CD163L1: variants seen among roughly 807,000 people sequenced by gnomAD.
CD163L1 encodes CD163 molecule like 1, also known as scavenger receptor cysteine-rich type 1 protein M160.
CD163L1 carries 124 observed loss-of-function variants against 165.4 expected under a neutral mutation model. The observed-to-expected ratio is 0.75, with a 90% CI of 0.65 to 0.87. CD163L1 has a LOEUF of 0.87. Ranked by LOEUF, CD163L1 falls within the 40% of genes least tolerant of loss-of-function variation. The pLI is 0.00. For missense variants in CD163L1, 1,525 were observed against 1,799.9 expected, an observed-to-expected ratio of 0.85 and a Z score of 2.76; for synonymous variants, 585 against 662.2, an observed-to-expected ratio of 0.88 and a Z score of 1.79.
At chr12:7,329,556 C>T in the CD163L1 span, among the ~76,000 whole-genome samples, 1 of 151,702 alleles carries the variant, frequency 6.6e-6, no homozygotes, top group Admixed American at 6.6e-5. Flanking sequence ...AACATTCTTT[C>T]CTCTATAAAG....
chr12:7,375,131 T>C (rs995003221), intron 11 of CD163L1, 150 bp downstream of exon 11: 1 of 851,734 alleles, frequency 1.2e-6, no homozygotes, highest in Non-Finnish European at 1.8e-6. Flanking sequence ...CTAGTTATCA[T>C]TATTTCTTAC....
At position 7,347,545 on chromosome 12, in the gene CD163L1, C is replaced by T. The variant is rs534346013; in HGVS notation, c.*25-398G>A. 3.3e-5 allele frequency among the ~76,000 whole-genome samples: 5 copies of T among 152,056 alleles called. No homozygotes were observed. The highest frequency in any genetic ancestry group is 3.9e-4 in the East Asian group (2 of 5,178). On this transcript the variant is annotated intron_variant, in intron 4 of 4. Transcript: ENST00000539726. The surrounding 1 kb of genome is among the most constrained non-coding windows in gnomAD (Gnocchi z 4.2). ...TTGTAATCCCAGCACTTTGGGAGGC[C>T]GAGGCAGGTGGATCACGAGGTCAGG... is the stretch of plus-strand genomic sequence containing the variant.
chr12:7,435,722 T>G (rs1948705078), intron 2 of CD163L1, among the ~76,000 whole-genome samples: 1 of 152,054 alleles, frequency 6.6e-6, no homozygotes, highest in South Asian at 2.1e-4. Context: ...CGTAGTAAAC[T>G]CCCATGAATC....
chr12:7,406,593 T>C lies in CD163L1; in HGVS notation c.1026A>G (p.Arg342=), dbSNP rs376908493. 21 of 1,613,952 alleles carry C rather than the reference T, an allele frequency of 1.3e-5. No homozygotes were observed. The highest frequency in any genetic ancestry group is 1.8e-5 in the Non-Finnish European group (21 of 1,179,996). ...AGTCAAAATTGACGGTTCCGGAATG[T>C]CTGCAGTCCCAAAGAAAAGATTCAT... is the stretch of plus-strand genomic sequence containing the variant. The part of the protein sequence containing the change: ...SGNESFLWDC[R]HSGTVNFDCL... Residue 342 remains arginine, a synonymous_variant, in exon 5 of 20, where the codon AGA becomes AGG. Coordinates refer to ENST00000313599, the MANE Select transcript of CD163L1 (RefSeq NM_174941.6).
chr12:7,369,515 G>T lies in CD163L1; in HGVS notation c.3881C>A (p.Ala1294Asp). 6.2e-7 allele frequency: 1 copy of T among 1,614,136 alleles called. No individual in the cohort carries two copies. Among genetic ancestry groups the T allele is most frequent in the Non-Finnish European group, 8.5e-7 (1 of 1,180,018 alleles). ...CQQLGCGSAL[A>D]ALRDASFGQG... ...GCCAAACGAAGCGTCCCTCAGGGCA[G>T]CCAGAGCAGAGCCACAGCCCAGCTG... The change falls in exon 15 of 20, where the codon GCT becomes GAT. Residue 1294 changes from alanine (A) to aspartate (D), a missense_variant. Coordinates refer to ENST00000313599, the MANE Select transcript of CD163L1 (RefSeq NM_174941.6). The surrounding 1 kb of genome is among the most constrained non-coding windows in gnomAD (Gnocchi z 4.9).
chr12:7,427,466 G>A (rs1024235376), intron 4 of CD163L1, among the ~76,000 whole-genome samples: 6 of 152,178 alleles, frequency 3.9e-5, no homozygotes, highest in South Asian at 2.1e-4. Flanking sequence ...AAGCAGCTAC[G>A]AAGGTAGATA....
chr12:7,339,234 A>G, the CD163L1 span, among the ~76,000 whole-genome samples: 45 of 152,184 alleles, frequency 3.0e-4, no homozygotes, highest in Non-Finnish European at 2.9e-5. Flanking sequence ...TAGACTAAGA[A>G]GTCCATTCCT....
rs1948642873 is a variant in CD163L1 at position 7,432,302 on chromosome 12, T to A, written c.766+114A>T. The A allele has an allele frequency of 6.4e-6, 5 of 776,708 alleles. No individual in the cohort carries two copies. Among genetic ancestry groups the A allele is most frequent in the Non-Finnish European group, 2.0e-6 (1 of 493,914 alleles). 48.1% of individuals were successfully genotyped at this position (776,708 alleles called of 1,614,324 possible). The stretch of plus-strand genomic sequence containing the variant: ...TGGAGCAATTTCAGGGTAACAAAAA[T>A]GTGTTATAACCAGAGAAAATTCTTC... On this transcript the variant is annotated intron_variant, in intron 4 of 19. Transcript: ENST00000313599. This position sits in a 1 kb window ranked among gnomAD's most constrained non-coding sequence, Gnocchi z 4.2.
rs185641755 is a variant in CD163L1, at chr12:7,381,119, C to G, written c.2051-1821G>C. On this transcript the variant is annotated intron_variant, in intron 8 of 19. Transcript: ENST00000313599. ...AATAAAAATTCACATTATTAAATGT[C>G]TATGTGATATCATACTATTTTTCTA... is the stretch of plus-strand genomic sequence containing the variant. 5.0e-4 allele frequency among the ~76,000 whole-genome samples: 76 copies of G among 152,138 alleles called. 1 individual carries two copies. The highest frequency in any genetic ancestry group is 1.8e-3 in the African/African-American group (75 of 41,536).
At chr12:7,386,442 G>A (rs1204403847) in intron 8 of CD163L1, among the ~76,000 whole-genome samples, 1 of 151,722 alleles carries the variant, frequency 6.6e-6, no homozygotes, top group Non-Finnish European at 1.5e-5. Flanking sequence ...AAATCAAAGA[G>A]GAGGGCATTC....
intron 14 of CD163L1, among the ~76,000 whole-genome samples, chr12:7,370,083 G>T (rs1947114151): frequency 6.6e-6 from 1 of 152,024 alleles, no homozygotes; most frequent in Non-Finnish European, 1.5e-5. Context: ...TGCTGCTTCT[G>T]TGCCCTCCAA....
the CD163L1 span, chr12:7,326,917 C>T: frequency 6.6e-7 from 1 of 1,506,122 alleles, no homozygotes; most frequent in African/African-American, 1.4e-5. Context: ...GCATTTGTTG[C>T]AAATCCTTGA....
intron 4 of CD163L1, among the ~76,000 whole-genome samples, chr12:7,410,436 T>C (rs906304900): frequency 2.0e-5 from 3 of 152,056 alleles, no homozygotes; most frequent in African/African-American, 7.2e-5. Flanking sequence ...TGAAACCCTA[T>C]CTCTATTAAA....
intron 11 of CD163L1, 152 bp downstream of exon 11, chr12:7,375,129 C>A: frequency 1.2e-6 from 1 of 839,638 alleles, no homozygotes; most frequent in Non-Finnish European, 1.8e-6. Flanking sequence ...TCCTAGTTAT[C>A]ATTATTTCTT....
chr12:7,394,997 G>T (rs1279956313), intron 8 of CD163L1, among the ~76,000 whole-genome samples: 1 of 152,188 alleles, frequency 6.6e-6, no homozygotes, highest in Non-Finnish European at 1.5e-5. Flanking sequence ...CTGTTGGTGG[G>T]AGTGTAAATT....
chr12:7,349,885 C>CATACTCTTCAAAATATCTT (rs1320579148), intron 4 of CD163L1, among the ~76,000 whole-genome samples: 17 of 152,100 alleles, frequency 1.1e-4, no homozygotes, highest in Admixed American at 5.2e-4. Context: ...TAGTATATCT[C>CATACTCTTCAAAATATCTT]ATACTCTTCA....
intron 14 of CD163L1, 55 bp downstream of exon 14, chr12:7,373,265 G>T: frequency 6.9e-7 from 1 of 1,445,598 alleles, no homozygotes; most frequent in South Asian, 1.3e-5. Flanking sequence ...GCTATTTATG[G>T]TAAGTTATAT....
rs1468930015 is a variant in CD163L1 at position 7,375,794 on chromosome 12, A to T, written c.2592T>A (p.Cys864Ter). Reference sequence around the variant, plus strand: ...ATGCAAGGTGAGTTTCACTCCCTTCACACTGGAACTTTTCGGCCCAAGTTA... The same window carrying T: ...ATGCAAGGTGAGTTTCACTCCCTTCTCACTGGAACTTTTCGGCCCAAGTTA... ...NGLTWAEKFQ[C>*]EGSETHLALC... Residue 864 changes from cysteine (C) to a stop codon, truncating the protein, a stop_gained, in exon 10 of 20, where the codon TGT becomes TGA. Transcript: ENST00000313599. LOFTEE classifies it high-confidence loss of function. The T allele has an allele frequency of 6.2e-7, 1 of 1,614,228 alleles. No homozygotes were observed. Among genetic ancestry groups the T allele is most frequent in the Non-Finnish European group, 8.5e-7 (1 of 1,180,044 alleles).
chr12:7,369,655 T>G lies in CD163L1; in HGVS notation c.3741A>C (p.Arg1247Ser). Reference protein sequence around the residue: ...ETWITCEDRIRVRGGDTECSG... With the variant: ...ETWITCEDRISVRGGDTECSG... ...AGCACTCGGTGTCTCCTCCACGCAC[T>G]CTTATTCTATCTACAAAGGCACAAA... The change falls in exon 15 of 20, where the codon AGA (arginine) becomes AGC (serine). Residue 1247 changes from arginine (R) to serine (S), a missense_variant. By Grantham distance (110) the Arg-to-Ser change is moderately radical. Coordinates refer to ENST00000313599, the MANE Select transcript of CD163L1 (RefSeq NM_174941.6). The surrounding 1 kb of genome is among the most constrained non-coding windows in gnomAD (Gnocchi z 4.9). 6.2e-7 allele frequency: 1 copy of G among 1,611,738 alleles called. No homozygotes were observed. The highest frequency in any genetic ancestry group is 8.5e-7 in the Non-Finnish European group (1 of 1,178,076).
Sources: allele counts gnomAD v4.1 joint callset (sites outside exome capture counted in the v4.1 genomes callset), GRCh38; gene constraint gnomAD v4.1.1; non-coding constraint Gnocchi (gnomAD v3.1); transcripts MANE v1.5; gene names NCBI Gene and HGNC (gene_info 2026-07-23, HGNC 2026-07-21).